MON1A: variants seen among roughly 807,000 people sequenced by gnomAD.
The protein encoded by MON1A is vacuolar fusion protein MON1 homolog A.
Under a neutral mutation model 44.6 loss-of-function variants are expected in MON1A, and 29 were observed. The observed-to-expected ratio is 0.65, with a 90% CI of 0.48 to 0.89. MON1A has a LOEUF of 0.89. MON1A is among the 40% of genes least tolerant of loss of function. The probability of loss-of-function intolerance (pLI) is 0.00; values close to 1 mark genes in which losing one functional copy is unlikely to be tolerated. For synonymous variants in MON1A, 275 were observed against 316.4 expected (o/e 0.87, Z 1.39); for missense variants, 615 against 759.6 (o/e 0.81, Z 2.24).
intron 1 of MON1A, among the ~76,000 whole-genome samples, chr3:49,924,826 C>A (rs1446571326): frequency 6.6e-6 from 1 of 152,198 alleles, no homozygotes; most frequent in Non-Finnish European, 1.5e-5. Context: ...ATGGAGAGAA[C>A]TTCATGGCAA....
rs989841868 is a variant in MON1A at position 49,914,373 on chromosome 3, G to A, written c.-13-1014C>T. Among the ~76,000 whole-genome samples, 15 of 151,152 alleles carry A rather than the reference G, an allele frequency of 9.9e-5. 1 individual carries two copies. The highest frequency in any genetic ancestry group is 1.6e-4 in the Non-Finnish European group (11 of 67,790). On this transcript the variant is annotated intron_variant, in intron 1 of 5. Transcript: ENST00000296473. ...GCTGGGATTACAGGTGTGAGCCACC[G>A]TGCCCCACCTTTCTTTTCTGAAACA... is the stretch of plus-strand genomic sequence containing the variant.
chr3:49,909,505 T>A lies in MON1A; in HGVS notation c.1380-105A>T. The A allele has an allele frequency of 6.8e-7, 1 of 1,466,302 alleles. No homozygotes were observed. The highest frequency in any genetic ancestry group is 9.3e-7 in the Non-Finnish European group (1 of 1,080,252). 90.8% of individuals were successfully genotyped at this position (1,466,302 alleles called of 1,614,324 possible). A position where few individuals can be genotyped will look rare whatever the true frequency, so the allele number is the denominator to read the frequency against. On this transcript the variant is annotated intron_variant, in intron 4 of 5. Transcript: ENST00000296473. The surrounding 1 kb of genome is among the most constrained non-coding windows in gnomAD (Gnocchi z 4.0). ...CTATCCAGGAAGACTCTATCTTATG[T>A]CCTACCCTCCAGGTGCTCCCTTAGG...
At chr3:49,920,941 TG>T (rs893004546) in intron 1 of MON1A, among the ~76,000 whole-genome samples, 3 of 151,624 alleles carry the variant, frequency 2.0e-5, no homozygotes, top group African/African-American at 7.3e-5. Flanking sequence ...GCAGATTACT[TG>T]AGCCCAGGAG....
rs769586078 is a variant in MON1A at position 49,913,359 on chromosome 3, C to A, written c.-13G>T. On this transcript the variant is annotated splice_region_variant and 5_prime_UTR_variant, in exon 2 of 6. It introduces an in-frame stop codon into an upstream open reading frame of the 5' UTR. Coordinates refer to ENST00000296473, the MANE Select transcript of MON1A (RefSeq NM_032355.4). ...TGTCAGTAGCCATCCTTTGAGCTCT[C>A]CTGTGGGGCAAACAAATGCAACATC... is the stretch of plus-strand genomic sequence containing the variant. 3 of 1,604,188 alleles carry A rather than the reference C, an allele frequency of 1.9e-6. No homozygotes were observed. The highest frequency in any genetic ancestry group is 3.3e-5 in the Admixed American group (2 of 59,824).
At chr3:49,921,890 C>T (rs897209144) in intron 1 of MON1A, among the ~76,000 whole-genome samples, 1 of 152,100 alleles carries the variant, frequency 6.6e-6, no homozygotes, top group Non-Finnish European at 1.5e-5. Context: ...GTAATCCCAG[C>T]ACTTTGGGAG....
At chr3:49,926,110 C>T (rs2083049402) in intron 1 of MON1A, among the ~76,000 whole-genome samples, 1 of 152,192 alleles carries the variant, frequency 6.6e-6, no homozygotes, top group Admixed American at 6.5e-5. Context: ...CTCAACATAA[C>T]TCCTTCCCCA....
At chr3:49,914,540 A>ATTTTTT (rs35967703) in intron 1 of MON1A, among the ~76,000 whole-genome samples, 4 of 85,976 alleles carry the variant, frequency 4.7e-5, no homozygotes, top group Non-Finnish European at 8.8e-5. Flanking sequence ...CGCCTGCCTA[A>ATTTTTT]TTTTTTTTTT....
chr3:49,921,553 C>CTG (rs1364314608), intron 1 of MON1A, among the ~76,000 whole-genome samples: 4 of 149,726 alleles, frequency 2.7e-5, no homozygotes, highest in Middle Eastern at 3.5e-3. Context: ...GGCGGATCAC[C>CTG]AGGTCAGGAT....
chr3:49,920,815 G>GCAA (rs1437999560), intron 1 of MON1A: 1 of 150,554 alleles, frequency 6.6e-6, no homozygotes, highest in South Asian at 2.1e-4. Context: ...TCTAGCCTGG[G>GCAA]TAGCAGAGCC....
chr3:49,929,544 T>A, intron 1 of MON1A, 65 bp downstream of exon 1: 1 of 1,535,570 alleles, frequency 6.5e-7, no homozygotes, highest in Non-Finnish European at 8.8e-7. Flanking sequence ...AGCCCCTCCC[T>A]CCAAAGATGA....
chr3:49,918,053 A>G (rs2082962941), intron 1 of MON1A, among the ~76,000 whole-genome samples: 2 of 148,766 alleles, frequency 1.3e-5, no homozygotes, highest in Admixed American at 1.3e-4. Context: ...AAAAAACAAG[A>G]AGGCCAGGCG....
rs746292650 is a variant in MON1A, at chr3:49,911,199, TAGA to T, written c.614-318_614-316del. On this transcript the variant is annotated intron_variant, in intron 3 of 5. Transcript: ENST00000296473. This position sits in a 1 kb window ranked among gnomAD's most constrained non-coding sequence, Gnocchi z 5.7. Reference sequence around the variant, plus strand: ...CTGGGAGATAGATAGATTAGATAGATAGATAGATAGATAGATAGATAGATAGAT... The same window carrying T: ...CTGGGAGATAGATAGATTAGATAGATTAGATAGATAGATAGATAGATAGAT... 1.5e-5 allele frequency among the ~76,000 whole-genome samples: 1 copy of T among 68,398 alleles called. No homozygotes were observed. Among genetic ancestry groups the T allele is most frequent in the Admixed American group, 1.2e-4 (1 of 8,068 alleles). 44.9% of individuals were successfully genotyped at this position (68,398 alleles called of 152,430 possible).
At position 49,909,006 on chromosome 3, in the gene MON1A, C is replaced by T. The variant is rs1419063679; in HGVS notation, c.*8G>A. 5 of 1,609,430 alleles carry T rather than the reference C, an allele frequency of 3.1e-6. No individual in the cohort carries two copies. Among genetic ancestry groups the T allele is most frequent in the Non-Finnish European group, 4.2e-6 (5 of 1,177,250 alleles). ...TGTCCAGGAAGGCTGAGCCCGCACA[C>T]ATTCCCATCAATAGGTGAGGGGCGT... On this transcript the variant is annotated 3_prime_UTR_variant, in exon 6 of 6. Transcript: ENST00000296473. This position sits in a 1 kb window ranked among gnomAD's most constrained non-coding sequence, Gnocchi z 4.0.
intron 1 of MON1A, among the ~76,000 whole-genome samples, chr3:49,929,198 G>A (rs962982330): frequency 6.6e-6 from 1 of 152,170 alleles, no homozygotes. Flanking sequence ...CTCCAGACTG[G>A]GCAACAAGAG....
rs2082854270 is a variant in MON1A at position 49,909,962 on chromosome 3, G to C, written c.1379+157C>G. The stretch of plus-strand genomic sequence containing the variant: ...TGCTCATGGGGTGATGGAGAGTCTG[G>C]GTCTCTGGTGCCAGAGTAAAACAGG... On this transcript the variant is annotated intron_variant, in intron 4 of 5. Coordinates refer to ENST00000296473, the MANE Select transcript of MON1A (RefSeq NM_032355.4). This position sits in a 1 kb window ranked among gnomAD's most constrained non-coding sequence, Gnocchi z 4.0. 5 of 791,630 alleles carry C rather than the reference G, an allele frequency of 6.3e-6. No homozygotes were observed. In the East Asian group the frequency reaches 1.2e-4, roughly 20 times the overall value. The allele number at this position is 791,630 out of a possible 1,614,324, so 49.0% of individuals were successfully genotyped here. A position where few individuals can be genotyped will look rare whatever the true frequency, so the allele number is the denominator to read the frequency against.
At chr3:49,921,736 T>A (rs1251137859) in intron 1 of MON1A, among the ~76,000 whole-genome samples, 2 of 150,084 alleles carry the variant, frequency 1.3e-5, no homozygotes, top group Non-Finnish European at 3.0e-5. Flanking sequence ...CACCATGCAC[T>A]ACAGCCTCAA....
intron 1 of MON1A, among the ~76,000 whole-genome samples, chr3:49,926,454 G>A (rs898866594): frequency 2.6e-5 from 4 of 152,010 alleles, no homozygotes; most frequent in Non-Finnish European, 4.4e-5. Context: ...AGCCACATGC[G>A]GGAGGAGTTC....
intron 1 of MON1A, among the ~76,000 whole-genome samples, chr3:49,914,375 GCC>G (rs1269346797): frequency 6.6e-6 from 1 of 151,260 alleles, no homozygotes; most frequent in Non-Finnish European, 1.5e-5. Context: ...GAGCCACCGT[GCC>G]CCACCTTTCT....
chr3:49,910,938 A>G lies in MON1A; in HGVS notation c.614-54T>C. On this transcript the variant is annotated intron_variant, in intron 3 of 5. Transcript: ENST00000296473. The surrounding 1 kb of genome is among the most constrained non-coding windows in gnomAD (Gnocchi z 8.0). ...CAGCCTCAGCGGCAGCTCCCTCCGA[A>G]AACCGCCTTCCAGCGCAGCTCTTCG... 6.6e-7 allele frequency: 1 copy of G among 1,523,814 alleles called. No homozygotes were observed. 94.4% of individuals were successfully genotyped at this position (1,523,814 alleles called of 1,614,324 possible). A position where few individuals can be genotyped will look rare whatever the true frequency, so the allele number is the denominator to read the frequency against.
Sources: gnomAD v4.1 joint callset for allele counts (sites outside exome capture counted in the v4.1 genomes callset) on GRCh38, gnomAD v4.1.1 for gene constraint, Gnocchi (gnomAD v3.1) non-coding constraint, MANE v1.5 for transcripts, NCBI Gene and HGNC (gene_info 2026-07-23, HGNC 2026-07-21) for gene names.